Variants in ATR observed in about 807,000 individuals in gnomAD.
The protein encoded by ATR is ATR checkpoint kinase.
Under a neutral mutation model 305.3 loss-of-function variants are expected in ATR, and 142 were observed. The ratio of observed to expected loss-of-function variants is 0.47; its 90% CI spans 0.41 to 0.53. ATR has a LOEUF of 0.53. Ranked by LOEUF, ATR falls within the 20% of genes least tolerant of loss-of-function variation. The pLI is 0.00. For missense variants in ATR, 2,135 were observed against 3,133.1 expected (o/e 0.68, Z 7.60); for synonymous variants, 1,050 against 1,068.1 (o/e 0.98, Z 0.33).
Position 142,556,120 on chromosome 3 carries a change from A to G in ATR, c.2098T>C (p.Ser700Pro), listed in dbSNP as rs1403204644. Residue 700 changes from serine (S) to proline (P), a missense_variant, in exon 10 of 47, where the codon TCT becomes CCT. Ser to Pro is a moderately conservative substitution (Grantham distance 74, BLOSUM62 -1). This residue lies in a region of ATR where 744 missense variants were observed against 873.2 expected (regional missense o/e 0.85). Transcript: ENST00000350721. ...KILIDKVKDD[S>P]DIVKKEFASI... ...GCAAATTCTTTCTTGACAATGTCAGAATCATCTTTGACTTTATCTCTGGGG... is the reference window on the plus strand; with the variant it reads ...GCAAATTCTTTCTTGACAATGTCAGGATCATCTTTGACTTTATCTCTGGGG... 1 of 1,613,468 alleles carries G rather than the reference A, an allele frequency of 6.2e-7. No homozygotes were observed. The highest frequency in any genetic ancestry group is 1.1e-5 in the South Asian group (1 of 90,752).
At chr3:142,542,531 G>T (rs1455352714) in intron 17 of ATR, 134 bp downstream of exon 17, 1 of 868,146 alleles carries the variant, frequency 1.2e-6, no homozygotes, top group Non-Finnish European at 1.9e-6. Context: ...CCCAAAAAAC[G>T]TATATGAGTT....
At chr3:142,553,553 A>G (rs1559988885) in intron 12 of ATR, 87 bp downstream of exon 12, 1 of 1,459,020 alleles carries the variant, frequency 6.9e-7, no homozygotes, top group South Asian at 1.2e-5. Flanking sequence ...TATCACAAAT[A>G]TCATATCACC....
chr3:142,533,720 A>T (rs2033749586), intron 21 of ATR, among the ~76,000 whole-genome samples: 1 of 152,074 alleles, frequency 6.6e-6, no homozygotes, highest in Non-Finnish European at 1.5e-5. Flanking sequence ...AACTACATTA[A>T]ATACTTACTT....
chr3:142,543,359 C>T (rs897992349), intron 16 of ATR, among the ~76,000 whole-genome samples: 1 of 151,464 alleles, frequency 6.6e-6, no homozygotes, highest in African/African-American at 2.4e-5. Flanking sequence ...TTCCTTCCTT[C>T]CTCCCTCCGT....
At chr3:142,479,641 C>T (rs1422815288) in intron 36 of ATR, among the ~76,000 whole-genome samples, 1 of 152,142 alleles carries the variant, frequency 6.6e-6, no homozygotes, top group East Asian at 1.9e-4. Flanking sequence ...GCCTGCCTTG[C>T]TAGGTTGGGG....
intron 45 of ATR, among the ~76,000 whole-genome samples, chr3:142,453,492 C>CT (rs2070836672): frequency 6.6e-6 from 1 of 152,132 alleles, no homozygotes. Flanking sequence ...TGTGCCATCT[C>CT]TAAGTGTATA....
chr3:142,508,919 G>A (rs1296407076), intron 27 of ATR, among the ~76,000 whole-genome samples: 8 of 49,708 alleles, frequency 1.6e-4, no homozygotes, highest in African/African-American at 2.3e-4. Context: ...GCGAGACTCC[G>A]TATCAAAAAA....
Position 142,540,885 on chromosome 3 carries a change from A to C in ATR, c.3581+19T>G. The C allele has an allele frequency of 6.3e-7, 1 of 1,585,362 alleles. No individual in the cohort carries two copies. On this transcript the variant is annotated intron_variant, in intron 18 of 46. Coordinates refer to ENST00000350721, the MANE Select transcript of ATR (RefSeq NM_001184.4). The stretch of plus-strand genomic sequence containing the variant: ...AATGCAAAAAAAAAAAAAATTAATA[A>C]ACTCAGGCAGTCATTTACCTGCAAC...
chr3:142,508,987 C>T (rs2032406941), intron 27 of ATR, among the ~76,000 whole-genome samples: 1 of 148,246 alleles, frequency 6.7e-6, no homozygotes, highest in Non-Finnish European at 1.5e-5. Flanking sequence ...ACCACAAGTA[C>T]TTTAGGATAA....
rs550199881 is a variant in ATR, at chr3:142,480,555, G to C, written c.6221+4585C>G. Reference sequence around the variant, plus strand: ...TGTCAGGGTCCCACTTGAGGAGGCAGTCTGTCAGTGCTCAGATCTCAAACT... The same window carrying C: ...TGTCAGGGTCCCACTTGAGGAGGCACTCTGTCAGTGCTCAGATCTCAAACT... On this transcript the variant is annotated intron_variant, in intron 36 of 46. Transcript: ENST00000350721. Among the ~76,000 whole-genome samples, 10 of 152,354 alleles carry C rather than the reference G, an allele frequency of 6.6e-5. No individual in the cohort carries two copies. In the South Asian group the frequency reaches 2.1e-3, roughly 32 times the overall value.
At chr3:142,486,890 C>T (rs1265365059) in intron 35 of ATR, among the ~76,000 whole-genome samples, 4 of 136,936 alleles carry the variant, frequency 2.9e-5, no homozygotes, top group Non-Finnish European at 6.1e-5. Flanking sequence ...CCCAGGTGGG[C>T]GGATCACGAG....
At chr3:142,490,324 G>A (rs569657027) in intron 35 of ATR, among the ~76,000 whole-genome samples, 9 of 152,262 alleles carry the variant, frequency 5.9e-5, no homozygotes, top group South Asian at 2.1e-4. Flanking sequence ...CCAAAGCACC[G>A]GGATTACAGG....
chr3:142,476,864 T>C (rs1251459193), intron 36 of ATR, among the ~76,000 whole-genome samples: 1 of 152,202 alleles, frequency 6.6e-6, no homozygotes, highest in Non-Finnish European at 1.5e-5. Flanking sequence ...CAATTGTGAA[T>C]AGGAGTTCAC....
At chr3:142,478,322 T>C (rs1056270053) in intron 36 of ATR, among the ~76,000 whole-genome samples, 3 of 152,212 alleles carry the variant, frequency 2.0e-5, no homozygotes, top group African/African-American at 7.2e-5. Context: ...AGAATATCTT[T>C]ATTTCTGCCT....
intron 36 of ATR, among the ~76,000 whole-genome samples, chr3:142,474,628 T>C (rs867208644): frequency 3.9e-5 from 6 of 152,202 alleles, no homozygotes; most frequent in East Asian, 1.9e-4. Context: ...TAGTCTTTTA[T>C]TGGAGTCTTA....
chr3:142,491,352 C>A (rs956455257), intron 35 of ATR, among the ~76,000 whole-genome samples: 1 of 152,136 alleles, frequency 6.6e-6, no homozygotes, highest in African/African-American at 2.4e-5. Context: ...GCTACTGAGG[C>A]CTTTATGACA....
chr3:142,553,543 T>C (rs1264434099), intron 12 of ATR, 97 bp downstream of exon 12: 2 of 1,440,696 alleles, frequency 1.4e-6, no homozygotes, highest in African/African-American at 2.8e-5. Context: ...TTGTCTATAA[T>C]ATCACAAATA....
intron 23 of ATR, among the ~76,000 whole-genome samples, chr3:142,521,222 C>T (rs1418057813): frequency 6.6e-6 from 1 of 152,178 alleles, no homozygotes; most frequent in African/African-American, 2.4e-5. Context: ...CTGTTTACAG[C>T]ATGGTTTACT....
chr3:142,566,159 T>A lies in ATR; in HGVS notation c.254A>T (p.Asn85Ile). ...TTTGGCCTCATGGCTTCCACTCACA[T>A]TTACAAACATAAGTGGGGAGGATTT... is the stretch of plus-strand genomic sequence containing the variant. ...IMKSSPLMFV[N>I]VSGSHEAKGS... The change falls in exon 3 of 47, where the codon AAT becomes ATT. Residue 85 changes from asparagine to isoleucine, a missense_variant. Physicochemically the swap from Asn to Ile is moderately radical, Grantham distance 149 (BLOSUM62 -3). Around this residue, in one of 9 missense-constraint regions of ATR, gnomAD observed 744 missense variants for 873.2 expected, o/e 0.85. Transcript: ENST00000350721. 2.5e-6 allele frequency: 4 copies of A among 1,614,166 alleles called. No individual in the cohort carries two copies. Among genetic ancestry groups the A allele is most frequent in the Non-Finnish European group, 3.4e-6 (4 of 1,180,008 alleles).
Sources: allele counts gnomAD v4.1 joint callset (sites outside exome capture counted in the v4.1 genomes callset), GRCh38; gene constraint gnomAD v4.1.1; regional missense constraint gnomAD v4.1.1; transcripts MANE v1.5; gene names NCBI Gene and HGNC (gene_info 2026-07-23, HGNC 2026-07-21).